The following CADM2 variants were observed in gnomAD, a reference collection of about 807,000 sequenced individuals.
The protein encoded by CADM2 is immunoglobulin superfamily member 4D.
Under a neutral mutation model 49.8 loss-of-function variants are expected in CADM2, and 12 were observed. That is an observed-to-expected ratio of 0.24 (90% CI 0.15 to 0.39). The LOEUF is 0.39. Ranked by LOEUF, CADM2 falls within the 10% of genes least tolerant of loss-of-function variation. The pLI is 1.00. For missense variants in CADM2, 378 were observed against 492.3 expected, an observed-to-expected ratio of 0.77 and a Z score of 2.20; for synonymous variants, 214 against 175.4, an observed-to-expected ratio of 1.22 and a Z score of -1.74.
chr3:85,745,606 C>T (rs969245062), intron 2 of CADM2, among the ~76,000 whole-genome samples: 11 of 152,106 alleles, frequency 7.2e-5, no homozygotes, highest in Non-Finnish European at 1.6e-4. Flanking sequence ...TGGCTCACGC[C>T]GGTAATCCCA....
At chr3:85,691,416 A>T (rs1430870510) in intron 1 of CADM2, among the ~76,000 whole-genome samples, 1 of 152,162 alleles carries the variant, frequency 6.6e-6, no homozygotes, top group Non-Finnish European at 1.5e-5. Context: ...AATATTCTTG[A>T]TTGCTGATTT....
chr3:85,597,331 C>CAAT (rs1174604466), intron 1 of CADM2, among the ~76,000 whole-genome samples: 1 of 152,000 alleles, frequency 6.6e-6, no homozygotes, highest in African/African-American at 2.4e-5. Flanking sequence ...TCATGCTGTG[C>CAAT]AATAATGCAA....
intron 1 of CADM2, among the ~76,000 whole-genome samples, chr3:85,047,123 A>G (rs1011771611): frequency 7.2e-5 from 11 of 152,178 alleles, no homozygotes; most frequent in Non-Finnish European, 1.6e-4. Context: ...TTCTTTTTAT[A>G]TCACATTCCC....
chr3:85,279,646 T>C (rs1320965742), intron 1 of CADM2, among the ~76,000 whole-genome samples: 1 of 151,470 alleles, frequency 6.6e-6, no homozygotes, highest in East Asian at 1.9e-4. Flanking sequence ...TGACTACCAA[T>C]TTTTTTAGTT....
intron 1 of CADM2, among the ~76,000 whole-genome samples, chr3:85,428,603 A>G (rs926500105): frequency 4.9e-4 from 72 of 146,252 alleles, no homozygotes; most frequent in Middle Eastern, 3.6e-3. Context: ...AATATTTATT[A>G]TATAAAATAT....
chr3:85,411,912 C>T (rs926564592), intron 1 of CADM2, among the ~76,000 whole-genome samples: 2 of 152,168 alleles, frequency 1.3e-5, no homozygotes, highest in African/African-American at 4.8e-5. Flanking sequence ...ACTGCAACCT[C>T]TGCCTCCCAG....
In CADM2 at chr3:86,071,227, T is replaced by A. The variant is rs1739837299; in HGVS notation, c.*4444T>A. The A allele has an allele frequency of 6.6e-6, 1 of 151,970 alleles. No homozygotes were observed. The highest frequency in any genetic ancestry group is 6.6e-5 in the Admixed American group (1 of 15,248). 9.4% of individuals were successfully genotyped at this position (151,970 alleles called of 1,614,324 possible). A position where few individuals can be genotyped will look rare whatever the true frequency, so the allele number is the denominator to read the frequency against. ...GCATGTTTTCATAGATTGTAGCAAG[T>A]ACAAATGTATTCAATGAAAGAACAT... On this transcript the variant is annotated 3_prime_UTR_variant, in exon 10 of 10. Coordinates refer to ENST00000383699, the MANE Select transcript of CADM2 (RefSeq NM_001167675.2).
chr3:85,809,904 A>G (rs2108119291), intron 3 of CADM2, among the ~76,000 whole-genome samples: 1 of 151,654 alleles, frequency 6.6e-6, no homozygotes, highest in South Asian at 2.1e-4. Context: ...AAACCCTACC[A>G]CACCACAATA....
chr3:85,844,442 T>G (rs2074787281), intron 3 of CADM2, among the ~76,000 whole-genome samples: 1 of 152,150 alleles, frequency 6.6e-6, no homozygotes, highest in Admixed American at 6.5e-5. Context: ...GCTGTAGCTT[T>G]AAGGGGATTG....
At chr3:85,299,254 T>G (rs2044037265) in intron 1 of CADM2, among the ~76,000 whole-genome samples, 1 of 152,170 alleles carries the variant, frequency 6.6e-6, no homozygotes, top group African/African-American at 2.4e-5. Context: ...ATAGACCCAG[T>G]TTTTTTCATA....
chr3:85,005,063 T>A (rs916634960), intron 1 of CADM2, among the ~76,000 whole-genome samples: 3 of 152,096 alleles, frequency 2.0e-5, no homozygotes, highest in Non-Finnish European at 4.4e-5. Flanking sequence ...TTATAGCCCC[T>A]CCAATGAGTA....
intron 1 of CADM2, among the ~76,000 whole-genome samples, chr3:85,430,459 A>G: frequency 6.6e-6 from 1 of 152,046 alleles, no homozygotes; most frequent in East Asian, 1.9e-4. Flanking sequence ...TAGAGGTTAC[A>G]GTGATCCATG....
chr3:85,795,885 AT>A (rs1488951858), intron 2 of CADM2, among the ~76,000 whole-genome samples: 1 of 152,212 alleles, frequency 6.6e-6, no homozygotes, highest in African/African-American at 2.4e-5. Context: ...AAGAATGAAA[AT>A]GTTGAACTTT....
At chr3:85,857,660 A>T (rs904758332) in intron 3 of CADM2, among the ~76,000 whole-genome samples, 8 of 152,106 alleles carry the variant, frequency 5.3e-5, no homozygotes, top group African/African-American at 1.9e-4. Context: ...ATTTAAAGGG[A>T]CAGGCAGAAC....
chr3:85,746,227 G>T (rs1319981907), intron 2 of CADM2, among the ~76,000 whole-genome samples: 1 of 152,218 alleles, frequency 6.6e-6, no homozygotes, highest in South Asian at 2.1e-4. Context: ...AATTGCTTGG[G>T]CTTTTAACAA....
intron 8 of CADM2, among the ~76,000 whole-genome samples, chr3:86,021,082 C>T (rs1733103084): frequency 6.6e-6 from 1 of 152,074 alleles, no homozygotes; most frequent in African/African-American, 2.4e-5. Flanking sequence ...TCACTGCAAC[C>T]TCCGCCTCCC....
chr3:85,537,906 G>A lies in CADM2; in HGVS notation c.62-188616G>A, dbSNP rs1268495239. On this transcript the variant is annotated intron_variant, in intron 1 of 9. Coordinates refer to ENST00000383699, the MANE Select transcript of CADM2 (RefSeq NM_001167675.2). ...CATTTGTGCTCCAAAATCAGAATAT[G>A]TTTTGACTCGGGGCTTGATGGTCAT... is the stretch of plus-strand genomic sequence containing the variant. Among the ~76,000 whole-genome samples, 5 of 152,078 alleles carry A rather than the reference G, an allele frequency of 3.3e-5. No individual in the cohort carries two copies. In the South Asian group the frequency reaches 8.3e-4, roughly 25 times the overall value.
At chr3:84,988,132 T>A (rs942243708) in intron 1 of CADM2, among the ~76,000 whole-genome samples, 4 of 152,192 alleles carry the variant, frequency 2.6e-5, no homozygotes, top group African/African-American at 9.7e-5. Flanking sequence ...CCAGATTGGA[T>A]GCTGCTTTTT....
At chr3:85,869,605 T>C (rs2108348590) in intron 3 of CADM2, among the ~76,000 whole-genome samples, 1 of 152,198 alleles carries the variant, frequency 6.6e-6, no homozygotes, top group African/African-American at 2.4e-5. Flanking sequence ...ATGCTCGTGA[T>C]TCATTGCTGT....
Sources: gnomAD v4.1 joint callset for allele counts (sites outside exome capture counted in the v4.1 genomes callset) on GRCh38, gnomAD v4.1.1 for gene constraint, MANE v1.5 for transcripts, NCBI Gene and HGNC (gene_info 2026-07-23, HGNC 2026-07-21) for gene names.